Variants in PRUNE2 observed in about 807,000 individuals in gnomAD.
The protein encoded by PRUNE2 is prune homolog 2 with BCH domain, also known as protein prune homolog 2.
Under a neutral mutation model 252.0 loss-of-function variants are expected in PRUNE2, and 164 were observed. The ratio of observed to expected loss-of-function variants is 0.65; its 90% CI spans 0.57 to 0.74. The LOEUF (loss-of-function observed/expected upper bound fraction) is 0.74, where lower values mean the gene tolerates loss of function less well. Ranked by LOEUF, PRUNE2 falls within the 30% of genes least tolerant of loss-of-function variation. The pLI is 0.00. For missense variants in PRUNE2, 3,495 were observed against 3,711.0 expected (o/e 0.94, Z 1.51); for synonymous variants, 1,292 against 1,350.2 (o/e 0.96, Z 0.94).
chr9:76,854,258 T>C (rs2060120709), intron 1 of PRUNE2, 50 bp from the exon 2 acceptor site: 3 of 949,738 alleles, frequency 3.2e-6, no homozygotes, highest in East Asian at 2.6e-5. Context: ...GACAGATTAA[T>C]ATAAACATAT....
At chr9:76,878,192 G>A (rs2061569876) in intron 1 of PRUNE2, among the ~76,000 whole-genome samples, 2 of 152,190 alleles carry the variant, frequency 1.3e-5, no homozygotes, top group Admixed American at 6.5e-5. Flanking sequence ...CCAAGGACAG[G>A]ACAGCCAGTT....
chr9:76,796,748 G>C (rs2056125383), intron 6 of PRUNE2, among the ~76,000 whole-genome samples: 1 of 152,162 alleles, frequency 6.6e-6, no homozygotes, highest in South Asian at 2.1e-4. Flanking sequence ...ACTGGAATTA[G>C]CAGACCGGGT....
At chr9:76,663,088 A>T (rs918292167) in intron 9 of PRUNE2, among the ~76,000 whole-genome samples, 4 of 152,232 alleles carry the variant, frequency 2.6e-5, no homozygotes, top group Non-Finnish European at 5.9e-5. Context: ...GCACCCTGTG[A>T]ACCACAGAGT....
At chr9:76,842,352 G>C (rs1216781894) in intron 4 of PRUNE2, among the ~76,000 whole-genome samples, 1 of 152,166 alleles carries the variant, frequency 6.6e-6, no homozygotes, top group Non-Finnish European at 1.5e-5. Flanking sequence ...ATGGATTAAA[G>C]ACTTAAACAT....
chr9:76,805,271 C>T (rs2056854538), intron 6 of PRUNE2, among the ~76,000 whole-genome samples: 1 of 152,182 alleles, frequency 6.6e-6, no homozygotes, highest in South Asian at 2.1e-4. Context: ...CGACTCCTAC[C>T]ACGAGTCAGC....
intron 9 of PRUNE2, among the ~76,000 whole-genome samples, chr9:76,666,024 T>C (rs761892188): frequency 5.9e-5 from 9 of 152,206 alleles, no homozygotes; most frequent in Non-Finnish European, 1.2e-4. Flanking sequence ...GAATCTTCAC[T>C]CTATAATCAT....
chr9:76,825,348 C>A (rs1335323448), intron 5 of PRUNE2, among the ~76,000 whole-genome samples: 1 of 152,224 alleles, frequency 6.6e-6, no homozygotes, highest in Non-Finnish European at 1.5e-5. Flanking sequence ...GAGCACACCA[C>A]TGCATCCCTC....
chr9:76,775,115 A>G (rs943635801), intron 6 of PRUNE2, among the ~76,000 whole-genome samples: 3 of 152,246 alleles, frequency 2.0e-5, no homozygotes, highest in African/African-American at 7.2e-5. Context: ...GAATAGGACC[A>G]GACAGAAAAT....
chr9:76,813,243 G>C (rs528656447), intron 6 of PRUNE2, among the ~76,000 whole-genome samples: 1 of 152,158 alleles, frequency 6.6e-6, no homozygotes, highest in Non-Finnish European at 1.5e-5. Context: ...CTGGCCCACA[G>C]ACCAGTTCAG....
chr9:76,886,131 A>G (rs1001419866), intron 1 of PRUNE2, among the ~76,000 whole-genome samples: 28 of 151,756 alleles, frequency 1.8e-4, no homozygotes, highest in African/African-American at 5.6e-4. Context: ...GGTTGCAGTG[A>G]CCTGAGATCG....
chr9:76,622,961 G>A (rs1434170942), intron 17 of PRUNE2, among the ~76,000 whole-genome samples: 1 of 152,048 alleles, frequency 6.6e-6, no homozygotes, highest in Non-Finnish European at 1.5e-5. Context: ...TAATCCTATA[G>A]GTTATTATAA....
At chr9:76,813,181 C>T (rs1299542913) in intron 6 of PRUNE2, among the ~76,000 whole-genome samples, 3 of 152,172 alleles carry the variant, frequency 2.0e-5, no homozygotes, top group Non-Finnish European at 2.9e-5. Context: ...TACTACAAAT[C>T]AGAGCTTGTT....
intron 6 of PRUNE2, among the ~76,000 whole-genome samples, chr9:76,783,291 C>G (rs1190133607): frequency 6.6e-6 from 1 of 152,120 alleles, no homozygotes; most frequent in Non-Finnish European, 1.5e-5. Context: ...CATGCACCAG[C>G]ACGCCCAGCT....
chr9:76,886,003 C>T (rs907927029), intron 1 of PRUNE2, among the ~76,000 whole-genome samples: 2 of 151,594 alleles, frequency 1.3e-5, no homozygotes, highest in African/African-American at 4.9e-5. Flanking sequence ...CATGGCGAAA[C>T]CCCGTCTCTA....
chr9:76,814,799 G>C (rs1472391446), intron 6 of PRUNE2, among the ~76,000 whole-genome samples: 1 of 152,160 alleles, frequency 6.6e-6, no homozygotes, highest in Non-Finnish European at 1.5e-5. Context: ...ATATAAATCT[G>C]CATCACCTAA....
At chr9:76,636,973 A>ATGTGTGTGTGTG (rs71354667) in intron 14 of PRUNE2, among the ~76,000 whole-genome samples, 1,832 of 145,376 alleles carry the variant, frequency 0.013, 34 homozygotes, top group African/African-American at 0.046. Context: ...AACAACAAAA[A>ATGTGTGTGTGTG]TGTGTGTGTG....
chr9:76,802,316 G>A lies in PRUNE2; in HGVS notation c.756+21316C>T, dbSNP rs530898778. Among the ~76,000 whole-genome samples the A allele has an allele frequency of 4.6e-5, 7 of 152,136 alleles. No individual in the cohort carries two copies. In the South Asian group the frequency reaches 6.3e-4, roughly 14 times the overall value. ...TCCTTATCTTTGCAAAAATATGCAC[G>A]AAAGTCCAGACTATGCAGCCATTGA... is the stretch of plus-strand genomic sequence containing the variant. On this transcript the variant is annotated intron_variant, in intron 6 of 18. Transcript: ENST00000376718.
intron 6 of PRUNE2, among the ~76,000 whole-genome samples, chr9:76,769,438 G>A (rs1314731127): frequency 6.6e-6 from 1 of 151,800 alleles, no homozygotes; most frequent in Non-Finnish European, 1.5e-5. Context: ...AGTGAAAAAT[G>A]TTGTTAAGAG....
intron 6 of PRUNE2, among the ~76,000 whole-genome samples, chr9:76,802,446 T>C (rs2056628493): frequency 6.6e-6 from 1 of 152,176 alleles, no homozygotes; most frequent in African/African-American, 2.4e-5. Flanking sequence ...ACATCATTTA[T>C]TTTACATACC....
Sources: gnomAD v4.1 joint callset for allele counts (sites outside exome capture counted in the v4.1 genomes callset) on GRCh38, gnomAD v4.1.1 for gene constraint, MANE v1.5 for transcripts, NCBI Gene and HGNC (gene_info 2026-07-23, HGNC 2026-07-21) for gene names.